ANKRD36B: variants seen among roughly 807,000 people sequenced by gnomAD.
The protein encoded by ANKRD36B is ankyrin repeat domain-containing protein 36B.
Under a neutral mutation model 135.7 loss-of-function variants are expected in ANKRD36B, and 37 were observed. The ratio of observed to expected loss-of-function variants is 0.27; its 90% CI spans 0.21 to 0.36. The LOEUF (loss-of-function observed/expected upper bound fraction) is 0.36, where lower values mean the gene tolerates loss of function less well. Ranked by LOEUF, ANKRD36B falls within the 10% of genes least tolerant of loss-of-function variation. The pLI is 1.00. For synonymous variants in ANKRD36B, 179 were observed against 348.1 expected (o/e 0.51, Z 5.41); for missense variants, 549 against 1,037.1 (o/e 0.53, Z 6.46).
chr2:97,536,736 A>T lies in ANKRD36B; in HGVS notation c.2090-240T>A, dbSNP rs1248480643. Among the ~76,000 whole-genome samples, 2 of 96,188 alleles carry T rather than the reference A, an allele frequency of 2.1e-5. 1 individual carries two copies. The highest frequency in any genetic ancestry group is 5.5e-5 in the Non-Finnish European group (2 of 36,156). 63.1% of individuals were successfully genotyped at this position (96,188 alleles called of 152,430 possible). A position where few individuals can be genotyped will look rare whatever the true frequency, so the allele number is the denominator to read the frequency against. ...GAGATTATGCACCACATCTATTGCT[A>T]AAAAAAAGTGTTAATATCAATGTGG... is the stretch of plus-strand genomic sequence containing the variant. On this transcript the variant is annotated intron_variant, in intron 32 of 43. Coordinates refer to ENST00000359901, the MANE Select transcript of ANKRD36B (RefSeq NM_001393939.1).
chr2:97,575,776 C>T (rs13427234), intron 6 of ANKRD36B, among the ~76,000 whole-genome samples: 10,796 of 151,666 alleles, frequency 0.071, 991 homozygotes, highest in African/African-American at 0.21. Flanking sequence ...TTTATTTTAC[C>T]GTGGATGGGT....
intron 1 of ANKRD36B, among the ~76,000 whole-genome samples, chr2:97,586,404 T>TA (rs34704943): frequency 0.21 from 30,123 of 146,778 alleles, 5,582 homozygotes; most frequent in African/African-American, 0.5. Flanking sequence ...TGCTTTTGTT[T>TA]AAAAAAAAAA....
intron 6 of ANKRD36B, among the ~76,000 whole-genome samples, chr2:97,565,980 G>C (rs2104829108): frequency 6.6e-6 from 1 of 151,736 alleles, no homozygotes; most frequent in South Asian, 2.1e-4. Flanking sequence ...CCAGGAGTTT[G>C]AGAACAGACT....
chr2:97,566,886 G>A (rs2081478269), intron 6 of ANKRD36B, among the ~76,000 whole-genome samples: 1 of 152,074 alleles, frequency 6.6e-6, no homozygotes, highest in Admixed American at 6.6e-5. Context: ...CAATTCCTAT[G>A]GGTGCCCTGT....
intron 20 of ANKRD36B, 83 bp downstream of exon 20, chr2:97,549,336 G>A (rs1355916684): frequency 4.8e-6 from 7 of 1,448,786 alleles, no homozygotes; most frequent in Admixed American, 4.4e-5. Flanking sequence ...CAGCTTCGAC[G>A]AGCCCCCCGC....
intron 16 of ANKRD36B, among the ~76,000 whole-genome samples, chr2:97,552,943 AT>A (rs2080194084): frequency 6.6e-6 from 1 of 151,784 alleles, no homozygotes; most frequent in Admixed American, 6.6e-5. Flanking sequence ...CTTCTTCCCA[AT>A]TTCAATGTGG....
intron 22 of ANKRD36B, among the ~76,000 whole-genome samples, chr2:97,546,697 T>C (rs2079502025): frequency 6.6e-6 from 1 of 151,780 alleles, no homozygotes; most frequent in African/African-American, 2.4e-5. Flanking sequence ...CAACATCATT[T>C]TTGTTTCTAA....
chr2:97,560,209 C>T (rs1276059110), intron 8 of ANKRD36B, among the ~76,000 whole-genome samples: 2 of 151,840 alleles, frequency 1.3e-5, no homozygotes, highest in African/African-American at 2.4e-5. Flanking sequence ...ATCCCTCTTC[C>T]TTGAGGAAAA....
chr2:97,555,352 T>A, intron 12 of ANKRD36B, 98 bp from the exon 13 acceptor site: 1 of 1,533,982 alleles, frequency 6.5e-7, no homozygotes. Flanking sequence ...TCTTCCTGCC[T>A]GTATTAGTAT....
intron 43 of ANKRD36B, among the ~76,000 whole-genome samples, chr2:97,494,051 C>T (rs1346862986): frequency 2.8e-5 from 3 of 107,014 alleles, no homozygotes; most frequent in African/African-American, 7.8e-5. Flanking sequence ...CAAGTTTCCT[C>T]ATCTTCCTGT....
intron 5 of ANKRD36B, 91 bp downstream of exon 5, chr2:97,578,815 A>C (rs1445158751): frequency 6.8e-7 from 1 of 1,470,786 alleles, no homozygotes; most frequent in African/African-American, 1.4e-5. Context: ...GAACCAAACT[A>C]TGCAATCTCA....
intron 6 of ANKRD36B, among the ~76,000 whole-genome samples, chr2:97,573,349 T>C (rs2082012609): frequency 6.6e-6 from 1 of 152,146 alleles, no homozygotes; most frequent in Non-Finnish European, 1.5e-5. Flanking sequence ...GTCTTTGCTA[T>C]TGTGAATAGC....
In ANKRD36B at chr2:97,540,116, A is replaced by G; in HGVS notation, c.1915-10T>C. The G allele has an allele frequency of 1.1e-6, 1 of 941,162 alleles. No homozygotes were observed. Among genetic ancestry groups the G allele is most frequent in the Admixed American group, 2.2e-5 (1 of 44,884 alleles). 58.3% of individuals were successfully genotyped at this position (941,162 alleles called of 1,614,324 possible). A position where few individuals can be genotyped will look rare whatever the true frequency, so the allele number is the denominator to read the frequency against. ...TCTCATCACCTGTAGTCTGAATGGAATTTGAAACAAAATAATAAATAAATA... is the reference window on the plus strand; with the variant it reads ...TCTCATCACCTGTAGTCTGAATGGAGTTTGAAACAAAATAATAAATAAATA... On this transcript the variant is annotated splice_polypyrimidine_tract_variant and intron_variant, in intron 29 of 43. Coordinates refer to ENST00000359901, the MANE Select transcript of ANKRD36B (RefSeq NM_001393939.1).
chr2:97,576,948 T>G (rs989757292), intron 5 of ANKRD36B, among the ~76,000 whole-genome samples: 1 of 152,056 alleles, frequency 6.6e-6, no homozygotes, highest in African/African-American at 2.4e-5. Context: ...TATTTTTTCA[T>G]AGGTTCTAAT....
intron 10 of ANKRD36B, among the ~76,000 whole-genome samples, chr2:97,558,523 G>A (rs1033152271): frequency 6.6e-6 from 1 of 151,838 alleles, no homozygotes; most frequent in African/African-American, 2.4e-5. Context: ...ACATGCTGTA[G>A]AATTAATGCA....
intron 3 of ANKRD36B, among the ~76,000 whole-genome samples, chr2:97,584,688 A>G (rs2082853463): frequency 7.4e-6 from 1 of 134,448 alleles, no homozygotes; most frequent in African/African-American, 3.1e-5. Flanking sequence ...TTCAGTTGTC[A>G]TGAATTATAA....
intron 3 of ANKRD36B, among the ~76,000 whole-genome samples, chr2:97,581,703 T>A (rs1325880480): frequency 6.6e-6 from 1 of 152,202 alleles, no homozygotes; most frequent in Admixed American, 6.5e-5. Context: ...CAATCAGAAA[T>A]AAAAATACAA....
At position 97,561,387 on chromosome 2, in the gene ANKRD36B, G is replaced by T. The variant is rs563995082; in HGVS notation, c.764-527C>A. 9.8e-4 allele frequency among the ~76,000 whole-genome samples: 149 copies of T among 151,880 alleles called. 1 individual carries two copies. Among genetic ancestry groups the T allele is most frequent in the Admixed American group, 2.0e-3 (30 of 15,210 alleles). On this transcript the variant is annotated intron_variant, in intron 6 of 43. Coordinates refer to ENST00000359901, the MANE Select transcript of ANKRD36B (RefSeq NM_001393939.1). ...CAGTGGAAGTGTCCTAACTTAATCA[G>T]CTTGGATATATGTTTGGTGAATTCT...
In ANKRD36B at chr2:97,530,246, T is replaced by C. The variant is rs1299233116; in HGVS notation, c.2265+2065A>G. Among the ~76,000 whole-genome samples, 4 of 95,104 alleles carry C rather than the reference T, an allele frequency of 4.2e-5. 1 individual carries two copies. Among genetic ancestry groups the C allele is most frequent in the African/African-American group, 9.5e-5 (3 of 31,470 alleles). 62.4% of individuals were successfully genotyped at this position (95,104 alleles called of 152,430 possible). A position where few individuals can be genotyped will look rare whatever the true frequency, so the allele number is the denominator to read the frequency against. On this transcript the variant is annotated intron_variant, in intron 35 of 43. Coordinates refer to ENST00000359901, the MANE Select transcript of ANKRD36B (RefSeq NM_001393939.1). Reference sequence around the variant, plus strand: ...AACAGAACAGAGCCATCAGAAATAATGCCACATATCTACAACTATCTGATC... The same window carrying C: ...AACAGAACAGAGCCATCAGAAATAACGCCACATATCTACAACTATCTGATC...
Sources: gnomAD v4.1 joint callset for allele counts (sites outside exome capture counted in the v4.1 genomes callset) on GRCh38, gnomAD v4.1.1 for gene constraint, MANE v1.5 for transcripts, NCBI Gene and HGNC (gene_info 2026-07-23, HGNC 2026-07-21) for gene names.